The following REEP6 variants were observed in gnomAD, a reference collection of about 807,000 sequenced individuals.
REEP6 encodes receptor accessory protein 6.
In REEP6, 19 loss-of-function variants were observed where a neutral mutation model predicts 22.4. That is an observed-to-expected ratio of 0.85 (90% CI 0.59 to 1.25). REEP6 has a LOEUF of 1.25. REEP6 is among the 50% of genes most tolerant of loss of function. The pLI is 0.00. For missense variants in REEP6, 273 were observed against 251.9 expected, an observed-to-expected ratio of 1.08 and a Z score of -0.57; for synonymous variants, 121 against 113.6, an observed-to-expected ratio of 1.06 and a Z score of -0.41.
chr19:1,496,802 G>A (rs529264612), intron 4 of REEP6: 1 of 586,566 alleles, frequency 1.7e-6, no homozygotes, highest in East Asian at 3.0e-5. Flanking sequence ...TGTGCAAGAG[G>A]GTGCGTGTGC....
chr19:1,497,191 C>G lies in REEP6; in HGVS notation c.535C>G (p.Pro179Ala). 2 of 1,503,476 alleles carry G rather than the reference C, an allele frequency of 1.3e-6. No individual in the cohort carries two copies. The highest frequency in any genetic ancestry group is 1.8e-6 in the Non-Finnish European group (2 of 1,127,320). 93.1% of individuals were successfully genotyped at this position (1,503,476 alleles called of 1,614,324 possible). ...ITRNVKPSQT[P>A]QPKDK ...CTCTGCAGTCAAGCCAAGCCAGACC[C>G]CGCAGCCGAAGGACAAGTGAAGCAG... The change falls in exon 5 of 5, where the codon CCG becomes GCG. Residue 179 changes from proline (P) to alanine (A), a missense_variant. Physicochemically the swap from Pro to Ala is conservative, Grantham distance 27. Coordinates refer to ENST00000233596, the MANE Select transcript of REEP6 (RefSeq NM_138393.4). This position sits in a 1 kb window ranked among gnomAD's most constrained non-coding sequence, Gnocchi z 6.5.
At chr19:1,492,458 A>T (rs1420344761) in intron 1 of REEP6, among the ~76,000 whole-genome samples, 1 of 151,714 alleles carries the variant, frequency 6.6e-6, no homozygotes, top group African/African-American at 2.4e-5. Context: ...TTTTTAAGAG[A>T]CAGGGTCTCA....
In REEP6 at chr19:1,497,283, A is replaced by G. The variant is rs991002286; in HGVS notation, c.*72A>G. The G allele has an allele frequency of 3.3e-5, 46 of 1,377,118 alleles. No homozygotes were observed. The highest frequency in any genetic ancestry group is 4.6e-5 in the Non-Finnish European group (45 of 987,678). The allele number at this position is 1,377,118 out of a possible 1,614,324, so 85.3% of individuals were successfully genotyped here. On this transcript the variant is annotated 3_prime_UTR_variant, in exon 5 of 5. Transcript: ENST00000233596. This position sits in a 1 kb window ranked among gnomAD's most constrained non-coding sequence, Gnocchi z 6.5. ...GGCCGCGCCAGGCTCCCAGGCCTCC[A>G]CAGAGTCTTCAGCGCATCCCCCAAC...
At chr19:1,496,485 G>A (rs757603067) in intron 4 of REEP6, 32 bp downstream of exon 4, 2 of 1,603,976 alleles carry the variant, frequency 1.2e-6, no homozygotes, top group African/African-American at 1.3e-5. Context: ...GCTGCCTCAG[G>A]CCATCTCCCG....
chr19:1,496,743 C>G, intron 4 of REEP6: 3 of 637,876 alleles, frequency 4.7e-6, no homozygotes, highest in Non-Finnish European at 8.8e-6. Context: ...TGTGTTTGAG[C>G]GTATGTTTGC....
intron 3 of REEP6, 32 bp downstream of exon 3, chr19:1,495,639 A>T (rs754302711): frequency 1.9e-6 from 3 of 1,613,492 alleles, no homozygotes; most frequent in Admixed American, 3.3e-5. Flanking sequence ...ACAGCCGTGG[A>T]GCGCATGGGG....
At position 1,497,277 on chromosome 19, in the gene REEP6, G is replaced by A. The variant is rs1484145400; in HGVS notation, c.*66G>A. ...GGAGGGGGCCGCGCCAGGCTCCCAG[G>A]CCTCCACAGAGTCTTCAGCGCATCC... On this transcript the variant is annotated 3_prime_UTR_variant, in exon 5 of 5. Coordinates refer to ENST00000233596, the MANE Select transcript of REEP6 (RefSeq NM_138393.4). This position sits in a 1 kb window ranked among gnomAD's most constrained non-coding sequence, Gnocchi z 6.5. 2 of 1,413,890 alleles carry A rather than the reference G, an allele frequency of 1.4e-6. No individual in the cohort carries two copies. Among genetic ancestry groups the A allele is most frequent in the Non-Finnish European group, 9.8e-7 (1 of 1,020,980 alleles). The allele number at this position is 1,413,890 out of a possible 1,614,324, so 87.6% of individuals were successfully genotyped here. A position where few individuals can be genotyped will look rare whatever the true frequency, so the allele number is the denominator to read the frequency against.
At chr19:1,492,751 CCA>C (rs1454468342) in intron 1 of REEP6, among the ~76,000 whole-genome samples, 1 of 151,898 alleles carries the variant, frequency 6.6e-6, no homozygotes, top group African/African-American at 2.4e-5. Flanking sequence ...CCCAATTTTC[CCA>C]CCATCTGGGG....
At position 1,492,473 on chromosome 19, in the gene REEP6, G is replaced by T. The variant is rs149974279; in HGVS notation, c.115+1089G>T. Reference sequence around the variant, plus strand: ...TTTTTAAGAGACAGGGTCTCACTATGTTACCCAGACTAGTCTTAAACTTCT... The same window carrying T: ...TTTTTAAGAGACAGGGTCTCACTATTTTACCCAGACTAGTCTTAAACTTCT... On this transcript the variant is annotated intron_variant, in intron 1 of 4. Coordinates refer to ENST00000233596, the MANE Select transcript of REEP6 (RefSeq NM_138393.4). 9.1e-3 allele frequency among the ~76,000 whole-genome samples: 1,378 copies of T among 151,850 alleles called. 21 individuals carry two copies. Among genetic ancestry groups the T allele is most frequent in the Middle Eastern group, 0.034 (10 of 294 alleles).
Position 1,497,232 on chromosome 19 carries a change from A to G in REEP6, c.*21A>G. 1 of 1,541,310 alleles carries G rather than the reference A, an allele frequency of 6.5e-7. No individual in the cohort carries two copies. The highest frequency in any genetic ancestry group is 8.8e-7 in the Non-Finnish European group (1 of 1,141,782). ...AGTGAAGCAGCCCCCTGAGCCTCACAAGGACCTCCTGGCTGGTGAGGAGGG... is the reference window on the plus strand; with the variant it reads ...AGTGAAGCAGCCCCCTGAGCCTCACGAGGACCTCCTGGCTGGTGAGGAGGG... On this transcript the variant is annotated 3_prime_UTR_variant, in exon 5 of 5. Coordinates refer to ENST00000233596, the MANE Select transcript of REEP6 (RefSeq NM_138393.4). The surrounding 1 kb of genome is among the most constrained non-coding windows in gnomAD (Gnocchi z 6.5).
At position 1,495,489 on chromosome 19, in the gene REEP6, C is replaced by G; in HGVS notation, c.230C>G (p.Pro77Arg). The G allele has an allele frequency of 6.2e-7, 1 of 1,614,020 alleles. No homozygotes were observed. The highest frequency in any genetic ancestry group is 8.5e-7 in the Non-Finnish European group (1 of 1,180,004). ...TGCAGAATCAAAGCTATCGAGAGCC[C>G]AAGCAAGGACGACGACACTGTGTGG... is the stretch of plus-strand genomic sequence containing the variant. ...AYASIKAIES[P>R]SKDDDTVWLT... is the part of the protein sequence containing the mutation. The change falls in exon 3 of 5, where the codon CCA (proline) becomes CGA (arginine). Residue 77 changes from proline to arginine, a missense_variant. Transcript: ENST00000233596.
intron 1 of REEP6, among the ~76,000 whole-genome samples, chr19:1,493,912 ACC>A (rs1402925127): frequency 6.6e-6 from 1 of 152,000 alleles, no homozygotes. Flanking sequence ...ACATGGTGAA[ACC>A]CCGTCTCTAC....
rs1215424687 is a variant in REEP6, at chr19:1,491,780, G to A, written c.115+396G>A. On this transcript the variant is annotated intron_variant, in intron 1 of 4. Coordinates refer to ENST00000233596, the MANE Select transcript of REEP6 (RefSeq NM_138393.4). This position sits in a 1 kb window ranked among gnomAD's most constrained non-coding sequence, Gnocchi z 5.4. ...AGATCTTCCCGTTTTTCTGAGGGGA[G>A]GCTCCTGGCGGGAAGGGGAACGGAC... Among the ~76,000 whole-genome samples, 1 of 152,156 alleles carries A rather than the reference G, an allele frequency of 6.6e-6. No homozygotes were observed. The highest frequency in any genetic ancestry group is 2.4e-5 in the African/African-American group (1 of 41,426).
exon 5 of REEP6, chr19:1,497,922 ACCAGACCTGTGTGC>A (rs2085023984): frequency 2.3e-6 from 1 of 434,198 alleles, no homozygotes; most frequent in Non-Finnish European, 4.9e-6. The surrounding 1 kb of genome is among the most constrained non-coding windows in gnomAD (Gnocchi z 6.5). Context: ...GCTAACCCGG[ACCAGACCTGTGTGC>A]CACGTGTGCG....
chr19:1,495,852 T>C (rs932781272), intron 3 of REEP6: 8 of 599,624 alleles, frequency 1.3e-5, no homozygotes, highest in Non-Finnish European at 2.3e-5. Context: ...GGGCTCACCC[T>C]ACAGGATGTC....
chr19:1,494,477 C>T (rs1170863427), intron 1 of REEP6, among the ~76,000 whole-genome samples: 3 of 152,186 alleles, frequency 2.0e-5, no homozygotes, highest in South Asian at 4.1e-4. Flanking sequence ...CCGAAAACAA[C>T]CAAGAATGAC....
intron 4 of REEP6, 183 bp downstream of exon 4, chr19:1,496,636 C>A: frequency 2.4e-6 from 2 of 820,596 alleles, no homozygotes; most frequent in Non-Finnish European, 4.2e-6. Flanking sequence ...ACCCCGGTGG[C>A]TGTGGCCGGG....
At position 1,495,313 on chromosome 19, in the gene REEP6, C is replaced by T. The variant is rs1599271457; in HGVS notation, c.135C>T (p.Ser45=). ...YLAAGAVTLL[S]LYLLFGYGAS... ...CGGCAGGAGCCGTCACTCTGCTAAGCCTGTATCTGCTGTTCGGCTACGGAG... is the reference window on the plus strand; with the variant it reads ...CGGCAGGAGCCGTCACTCTGCTAAGTCTGTATCTGCTGTTCGGCTACGGAG... Residue 45 remains serine (S), a synonymous_variant, in exon 2 of 5, where the codon AGC becomes AGT. Transcript: ENST00000233596. 31 of 1,613,220 alleles carry T rather than the reference C, an allele frequency of 1.9e-5. 1 individual carries two copies. The East Asian group carries it at 6.9e-4, about 36-fold the overall frequency.
At chr19:1,492,016 T>A (rs1390721058) in intron 1 of REEP6, among the ~76,000 whole-genome samples, 1 of 152,212 alleles carries the variant, frequency 6.6e-6, no homozygotes, top group East Asian at 1.9e-4. Flanking sequence ...TTACAGTTCT[T>A]CCGTGACTTT....
Sources: allele counts gnomAD v4.1 joint callset (sites outside exome capture counted in the v4.1 genomes callset), GRCh38; gene constraint gnomAD v4.1.1; non-coding constraint Gnocchi (gnomAD v3.1); transcripts MANE v1.5; gene names NCBI Gene and HGNC (gene_info 2026-07-23, HGNC 2026-07-21).